Variants in DLG1 observed in about 807,000 individuals in gnomAD.
DLG1 encodes discs large MAGUK scaffold protein 1, also known as disks large homolog 1.
Under a neutral mutation model 123.4 loss-of-function variants are expected in DLG1, and 42 were observed. That is an observed-to-expected ratio of 0.34 (90% CI 0.27 to 0.44). The LOEUF (loss-of-function observed/expected upper bound fraction) is 0.44. DLG1 is among the 20% of genes least tolerant of loss of function. The pLI, the probability that DLG1 is intolerant of heterozygous loss-of-function variation, is 1.00. For synonymous variants in DLG1, 317 were observed against 356.2 expected (o/e 0.89, Z 1.24); for missense variants, 942 against 1,082.6 (o/e 0.87, Z 1.82).
chr3:197,213,128 C>A (rs111280206), intron 4 of DLG1, among the ~76,000 whole-genome samples: 17 of 152,276 alleles, frequency 1.1e-4, no homozygotes, highest in African/African-American at 3.9e-4. Context: ...ATCCCTAACA[C>A]CTTCATTCAA....
At chr3:197,107,003 T>TATCCACTG (rs967777225) in intron 13 of DLG1, among the ~76,000 whole-genome samples, 12 of 152,354 alleles carry the variant, frequency 7.9e-5, no homozygotes, top group African/African-American at 2.6e-4. Context: ...AGAAACTCTG[T>TATCCACTG]ATCCACTGAC....
In DLG1 at chr3:197,068,879, T is replaced by C. The variant is rs1463939618; in HGVS notation, c.2047+340A>G. ...ATTTAGCATTACTGAAAAATATTATTTTAGTGCTCATGTTAAAACCAATTA... is the reference window on the plus strand; with the variant it reads ...ATTTAGCATTACTGAAAAATATTATCTTAGTGCTCATGTTAAAACCAATTA... On this transcript the variant is annotated intron_variant, in intron 19 of 24. Coordinates refer to ENST00000667157, the MANE Select transcript of DLG1 (RefSeq NM_001366207.1). 3.9e-5 allele frequency among the ~76,000 whole-genome samples: 6 copies of C among 152,272 alleles called. No homozygotes were observed. The East Asian group carries it at 1.2e-3, about 29-fold the overall frequency.
intron 4 of DLG1, among the ~76,000 whole-genome samples, chr3:197,245,900 TG>T (rs34147802): frequency 0.016 from 1,399 of 85,380 alleles, 24 homozygotes; most frequent in African/African-American, 0.035. Flanking sequence ...TTTTTTTTTT[TG>T]GGGGGGGGGG....
chr3:197,061,575 G>A (rs146886334), intron 22 of DLG1, among the ~76,000 whole-genome samples: 48 of 118,668 alleles, frequency 4.0e-4, no homozygotes, highest in African/African-American at 1.5e-3. Flanking sequence ...CCGTCAATCT[G>A]ACACAGTTCC....
chr3:197,282,544 T>C (rs969662216), intron 4 of DLG1, 135 bp downstream of exon 4: 1 of 570,002 alleles, frequency 1.8e-6, no homozygotes, highest in African/African-American at 1.9e-5. Context: ...CCCCATTCTC[T>C]TTATTCTATT....
intron 5 of DLG1, among the ~76,000 whole-genome samples, chr3:197,158,883 T>C (rs1026190181): frequency 6.6e-6 from 1 of 152,160 alleles, no homozygotes; most frequent in Non-Finnish European, 1.5e-5. Flanking sequence ...TTTAATTACA[T>C]GATAGCTTTT....
chr3:197,175,600 C>T (rs951830578), intron 5 of DLG1, among the ~76,000 whole-genome samples: 1 of 152,140 alleles, frequency 6.6e-6, no homozygotes, highest in Non-Finnish European at 1.5e-5. Flanking sequence ...ACTTCGTCAA[C>T]AGCAGATTAA....
At chr3:197,112,096 A>C (rs1483791169) in intron 13 of DLG1, among the ~76,000 whole-genome samples, 1 of 152,208 alleles carries the variant, frequency 6.6e-6, no homozygotes, top group Non-Finnish European at 1.5e-5. Flanking sequence ...TTACACGTCC[A>C]CTAGTAGTGA....
At chr3:197,191,440 T>C (rs544296819) in intron 5 of DLG1, among the ~76,000 whole-genome samples, 2 of 152,296 alleles carry the variant, frequency 1.3e-5, no homozygotes, top group Admixed American at 1.3e-4. Context: ...GCTCACTGTT[T>C]AAATGTCTGC....
intron 15 of DLG1, among the ~76,000 whole-genome samples, chr3:197,088,261 T>C (rs548243772): frequency 8.1e-5 from 12 of 149,044 alleles, no homozygotes; most frequent in African/African-American, 2.5e-4. Context: ...TCCAAGAAAA[T>C]AGGATAGCTA....
intron 4 of DLG1, among the ~76,000 whole-genome samples, chr3:197,278,231 C>T (rs140109580): frequency 1.7e-4 from 21 of 125,942 alleles, no homozygotes; most frequent in East Asian, 1.4e-3. Context: ...TGCAGTGAGA[C>T]GAGATCGTAC....
At chr3:197,170,792 T>C (rs150806940) in intron 5 of DLG1, among the ~76,000 whole-genome samples, 147 of 152,344 alleles carry the variant, frequency 9.6e-4, no homozygotes, top group Non-Finnish European at 1.5e-3. Context: ...GTCTTCATGA[T>C]GAACCCTTTG....
intron 4 of DLG1, among the ~76,000 whole-genome samples, chr3:197,244,338 G>A (rs761834027): frequency 1.3e-5 from 2 of 152,186 alleles, no homozygotes; most frequent in African/African-American, 4.8e-5. Context: ...AGGACCATTC[G>A]AGTGGAAAGG....
intron 5 of DLG1, among the ~76,000 whole-genome samples, chr3:197,178,149 T>C (rs2150099816): frequency 6.6e-6 from 1 of 152,188 alleles, no homozygotes; most frequent in East Asian, 1.9e-4. Context: ...CAGAGTAATG[T>C]CTGGAGTGAA....
rs57200229 is a variant in DLG1, at chr3:197,288,743, A to AATACATACATACATACATAC, written c.152-5918_152-5899dup. Among the ~76,000 whole-genome samples, 627 of 71,990 alleles carry AATACATACATACATACATAC rather than the reference A, an allele frequency of 8.7e-3. 8 individuals are homozygous for AATACATACATACATACATAC. The highest frequency in any genetic ancestry group is 0.023 in the African/African-American group (314 of 13,638). 47.2% of individuals were successfully genotyped at this position (71,990 alleles called of 152,430 possible). A position where few individuals can be genotyped will look rare whatever the true frequency, so the allele number is the denominator to read the frequency against. ...TCAAAAAAAAAAAAAAAAAAAAAAA[A>AATACATACATACATACATAC]ATACATACATACATACATACATACA... On this transcript the variant is annotated intron_variant, in intron 3 of 24. Transcript: ENST00000667157.
chr3:197,138,138 G>T, intron 9 of DLG1, 84 bp downstream of exon 9: 1 of 760,190 alleles, frequency 1.3e-6, no homozygotes, highest in Non-Finnish European at 1.9e-6. Context: ...ACTGTACTTG[G>T]AATGTATGTC....
chr3:197,128,387 C>T (rs923383262), intron 11 of DLG1, among the ~76,000 whole-genome samples: 1 of 152,206 alleles, frequency 6.6e-6, no homozygotes, highest in Non-Finnish European at 1.5e-5. Flanking sequence ...TCAGTCACAT[C>T]TTCAGGCTCC....
chr3:197,054,232 T>C (rs1030140503), intron 23 of DLG1, among the ~76,000 whole-genome samples: 1 of 152,244 alleles, frequency 6.6e-6, no homozygotes, highest in Admixed American at 6.5e-5. Context: ...TATCTAAGTT[T>C]ATCCTGCTTT....
chr3:197,246,825 T>A (rs1234604408), intron 4 of DLG1, among the ~76,000 whole-genome samples: 6 of 152,200 alleles, frequency 3.9e-5, no homozygotes, highest in African/African-American at 1.4e-4. Flanking sequence ...TTGGGTGAGC[T>A]GTATTGTTAC....
Sources: gnomAD v4.1 joint callset for allele counts (sites outside exome capture counted in the v4.1 genomes callset) on GRCh38, gnomAD v4.1.1 for gene constraint, MANE v1.5 for transcripts, NCBI Gene and HGNC (gene_info 2026-07-23, HGNC 2026-07-21) for gene names.